The following ZBTB21 variants were observed in gnomAD, a reference collection of about 807,000 sequenced individuals.
ZBTB21 encodes zinc finger and BTB domain containing 21.
ZBTB21 carries 10 observed loss-of-function variants against 39.8 expected under a neutral mutation model. That is an observed-to-expected ratio of 0.25 (90% CI 0.16 to 0.43). The LOEUF (loss-of-function observed/expected upper bound fraction) is 0.43, where lower values mean the gene tolerates loss of function less well. Ranked by LOEUF, ZBTB21 falls within the 20% of genes least tolerant of loss-of-function variation. The pLI is 1.00. For synonymous variants in ZBTB21, 551 were observed against 498.8 expected (o/e 1.10, Z -1.40); for missense variants, 1,221 against 1,296.3 (o/e 0.94, Z 0.89).
chr21:41,998,493 T>C (rs369787423), intron 2 of ZBTB21, among the ~76,000 whole-genome samples: 11 of 152,300 alleles, frequency 7.2e-5, no homozygotes, highest in African/African-American at 2.6e-4. Context: ...AGCTGGCTCA[T>C]CCCTTTCATT....
rs1213261502 is a variant in ZBTB21 at position 41,990,924 on chromosome 21, G to A, written c.3172C>T (p.Leu1058Phe). The A allele has an allele frequency of 4.0e-6, 6 of 1,499,576 alleles. No individual in the cohort carries two copies. Among genetic ancestry groups the A allele is most frequent in the Non-Finnish European group, 5.3e-6 (6 of 1,126,544 alleles). 92.9% of individuals were successfully genotyped at this position (1,499,576 alleles called of 1,614,324 possible). A position where few individuals can be genotyped will look rare whatever the true frequency, so the allele number is the denominator to read the frequency against. The change falls in exon 3 of 3, where the codon CTT becomes TTT. Residue 1058 changes from leucine (L) to phenylalanine (F), a missense_variant. Around this residue, in one of 4 missense-constraint regions of ZBTB21, gnomAD observed 523 missense variants for 542.5 expected, o/e 0.96. Coordinates refer to ENST00000310826, the MANE Select transcript of ZBTB21 (RefSeq NM_001098402.2). ...CHRTFKTAFS[L>F]WSHEQTHN is the part of the protein sequence containing the mutation. ...TTGTGTGTTTGTTCGTGACTCCAAA[G>A]ACTAAATGCAGTCTTGAATGTCCTG...
At chr21:42,004,881 T>C (rs909977618) in intron 1 of ZBTB21, among the ~76,000 whole-genome samples, 4 of 152,236 alleles carry the variant, frequency 2.6e-5, no homozygotes, top group South Asian at 2.1e-4. Flanking sequence ...ACACCTACCA[T>C]TGGATTTTAC....
At position 41,990,775 on chromosome 21, in the gene ZBTB21, G is replaced by A; in HGVS notation, c.*120C>T. On this transcript the variant is annotated 3_prime_UTR_variant, in exon 3 of 3. Coordinates refer to ENST00000310826, the MANE Select transcript of ZBTB21 (RefSeq NM_001098402.2). ...CAATTTGCCTCCAACTTAATTTCAA[G>A]CGTAACAATCTCCAACCTTTATTAT... 1 of 1,007,354 alleles carries A rather than the reference G, an allele frequency of 9.9e-7. No individual in the cohort carries two copies. Among genetic ancestry groups the A allele is most frequent in the Non-Finnish European group, 1.3e-6 (1 of 741,798 alleles). The allele number at this position is 1,007,354 out of a possible 1,614,324, so 62.4% of individuals were successfully genotyped here.
rs1156779576 is a variant in ZBTB21 at position 41,992,056 on chromosome 21, G to C, written c.2040C>G (p.Arg680=). 4 of 1,614,226 alleles carry C rather than the reference G, an allele frequency of 2.5e-6. No homozygotes were observed. In the South Asian group the frequency reaches 4.4e-5, roughly 18 times the overall value. Residue 680 remains arginine, a synonymous_variant, in exon 3 of 3, where the codon CGC becomes CGG. Coordinates refer to ENST00000310826, the MANE Select transcript of ZBTB21 (RefSeq NM_001098402.2). The surrounding 1 kb of genome is among the most constrained non-coding windows in gnomAD (Gnocchi z 4.1). ...TATGCTGCTTAAATTGAGAGAGAAAGCGGTACGCTTTTCCGCAGTAAGTAC... is the reference window on the plus strand; with the variant it reads ...TATGCTGCTTAAATTGAGAGAGAAACCGGTACGCTTTTCCGCAGTAAGTAC... ...YICTYCGKAY[R]FLSQFKQHIK...
At position 41,992,730 on chromosome 21, in the gene ZBTB21, C is replaced by G. The variant is rs771751501; in HGVS notation, c.1366G>C (p.Ala456Pro). The G allele has an allele frequency of 6.2e-7, 1 of 1,614,208 alleles. No individual in the cohort carries two copies. The highest frequency in any genetic ancestry group is 1.1e-5 in the South Asian group (1 of 91,086). ...VTVGDAATTA[A>P]ASSSSVTRDL... ...CTTGTGACCGACGAAGATGAGGCAGCTGCTGTTGTTGCCGCATCTCCCACA... is the reference window on the plus strand; with the variant it reads ...CTTGTGACCGACGAAGATGAGGCAGGTGCTGTTGTTGCCGCATCTCCCACA... The change falls in exon 3 of 3, where the codon GCT becomes CCT. Residue 456 changes from alanine to proline, a missense_variant. Physicochemically the swap from Ala to Pro is conservative, Grantham distance 27. Around this residue, in one of 4 missense-constraint regions of ZBTB21, gnomAD observed 500 missense variants for 465.6 expected, o/e 1.07. Coordinates refer to ENST00000310826, the MANE Select transcript of ZBTB21 (RefSeq NM_001098402.2). The surrounding 1 kb of genome is among the most constrained non-coding windows in gnomAD (Gnocchi z 4.1).
intron 1 of ZBTB21, among the ~76,000 whole-genome samples, chr21:42,010,013 G>A (rs780516036): frequency 1.4e-4 from 22 of 152,266 alleles, no homozygotes; most frequent in Non-Finnish European, 2.5e-4. Context: ...AGTGCTGGCA[G>A]GGAGCGTGCG....
intron 2 of ZBTB21, among the ~76,000 whole-genome samples, chr21:41,996,208 G>A (rs1233552777): frequency 6.6e-6 from 1 of 152,216 alleles, no homozygotes; most frequent in Non-Finnish European, 1.5e-5. Context: ...TGGTAGATAC[G>A]TCGACAGCTG....
chr21:41,994,233 A>C, intron 2 of ZBTB21, 125 bp from the exon 3 acceptor site: 2 of 712,090 alleles, frequency 2.8e-6, no homozygotes, highest in South Asian at 2.5e-5. Flanking sequence ...AGGCTAACAG[A>C]AGCTCTATGA....
rs2065639404 is a variant in ZBTB21 at position 41,990,809 on chromosome 21, A to T, written c.*86T>A. The stretch of plus-strand genomic sequence containing the variant: ...TCTCCAACCTTTATTATTCTTGTTT[A>T]AAAAATATTTTGTTTCTTATGACAC... On this transcript the variant is annotated 3_prime_UTR_variant, in exon 3 of 3. Coordinates refer to ENST00000310826, the MANE Select transcript of ZBTB21 (RefSeq NM_001098402.2). The T allele has an allele frequency of 7.7e-7, 1 of 1,290,988 alleles. No homozygotes were observed. Among genetic ancestry groups the T allele is most frequent in the South Asian group, 2.4e-5 (1 of 41,644 alleles). 80.0% of individuals were successfully genotyped at this position (1,290,988 alleles called of 1,614,324 possible).
chr21:41,997,693 C>T (rs1194321149), intron 2 of ZBTB21, among the ~76,000 whole-genome samples: 3 of 152,130 alleles, frequency 2.0e-5, no homozygotes, highest in African/African-American at 7.2e-5. Flanking sequence ...TATTTTCTTA[C>T]CAAATCACAT....
At chr21:42,006,416 GA>G (rs1159360425) in intron 1 of ZBTB21, among the ~76,000 whole-genome samples, 2 of 146,788 alleles carry the variant, frequency 1.4e-5, no homozygotes, top group Non-Finnish European at 3.0e-5. Context: ...GAGCCAGAGC[GA>G]AACTCCGTCT....
In ZBTB21 at chr21:41,993,387, T is replaced by C; in HGVS notation, c.709A>G (p.Arg237Gly). Reference protein sequence around the residue: ...DDPNRISLVKRNAVLPSKPLQ... With the variant: ...DDPNRISLVKGNAVLPSKPLQ... ...GGCTTTGAAGGCAACACTGCATTTC[T>C]TTTCACCAAACTGATTCTATTAGGA... The change falls in exon 3 of 3, where the codon AGA becomes GGA. Residue 237 changes from arginine to glycine, a missense_variant. By Grantham distance (125) the Arg-to-Gly change is moderately radical (BLOSUM62 -2). Around this residue, in one of 4 missense-constraint regions of ZBTB21, gnomAD observed 500 missense variants for 465.6 expected, o/e 1.07. Transcript: ENST00000310826. 1 of 1,614,208 alleles carries C rather than the reference T, an allele frequency of 6.2e-7. No individual in the cohort carries two copies. Among genetic ancestry groups the C allele is most frequent in the Non-Finnish European group, 8.5e-7 (1 of 1,180,042 alleles).
Position 41,992,869 on chromosome 21 carries a change from G to C in ZBTB21, c.1227C>G (p.Ser409=). 1 of 1,614,202 alleles carries C rather than the reference G, an allele frequency of 6.2e-7. No homozygotes were observed. The highest frequency in any genetic ancestry group is 8.5e-7 in the Non-Finnish European group (1 of 1,180,040). The change falls in exon 3 of 3, where the codon TCC becomes TCG. Residue 409 remains serine (S), a synonymous_variant. Transcript: ENST00000310826. The surrounding 1 kb of genome is among the most constrained non-coding windows in gnomAD (Gnocchi z 4.1). The part of the protein sequence containing the change: ...PQVLQPHRLR[S]FSASQSTDRE... ...TGTCTGTTGACTGAGAAGCACTAAA[G>C]GACCTGAGGCGATGCGGTTGTAGCA...
intron 2 of ZBTB21, among the ~76,000 whole-genome samples, chr21:41,998,308 C>T (rs2065776150): frequency 6.6e-6 from 1 of 151,892 alleles, no homozygotes; most frequent in Non-Finnish European, 1.5e-5. Context: ...TCTCCTGCCT[C>T]AGCCTCCTGA....
intron 1 of ZBTB21, among the ~76,000 whole-genome samples, chr21:42,008,450 G>A (rs1187807647): frequency 1.3e-5 from 2 of 148,554 alleles, no homozygotes; most frequent in Non-Finnish European, 3.0e-5. Context: ...CCAGGGAGGC[G>A]GAGGTTGCAA....
intron 2 of ZBTB21, among the ~76,000 whole-genome samples, chr21:41,997,585 A>C (rs147979426): frequency 8.9e-5 from 12 of 134,556 alleles, no homozygotes; most frequent in African/African-American, 2.2e-4. Context: ...CAAAAAAAAA[A>C]AAAACAAAAA....
intron 1 of ZBTB21, among the ~76,000 whole-genome samples, chr21:42,008,512 GC>G (rs1401949074): frequency 2.3e-5 from 3 of 128,264 alleles, no homozygotes; most frequent in Non-Finnish European, 4.6e-5. Context: ...TTGTACTCCA[GC>G]CTGGGGCAAC....
rs1569096533 is a variant in ZBTB21 at position 41,987,841 on chromosome 21, C to T, written c.*3054G>A. 1 of 152,196 alleles carries T rather than the reference C, an allele frequency of 6.6e-6. No individual in the cohort carries two copies. Among genetic ancestry groups the T allele is most frequent in the South Asian group, 2.1e-4 (1 of 4,826 alleles). The allele number at this position is 152,196 out of a possible 1,614,324, so 9.4% of individuals were successfully genotyped here. A position where few individuals can be genotyped will look rare whatever the true frequency, so the allele number is the denominator to read the frequency against. ...TGTAGGTGCATCCACACCGCACCTC[C>T]GTGAACAGACACATTTTATTCCTGT... On this transcript the variant is annotated 3_prime_UTR_variant, in exon 3 of 3. Transcript: ENST00000310826.
In ZBTB21 at chr21:41,993,351, T is replaced by C; in HGVS notation, c.745A>G (p.Arg249Gly). The change falls in exon 3 of 3, where the codon AGA becomes GGA. Residue 249 changes from arginine to glycine, a missense_variant. Arg to Gly is a moderately radical substitution (Grantham distance 125, BLOSUM62 -2). Coordinates refer to ENST00000310826, the MANE Select transcript of ZBTB21 (RefSeq NM_001098402.2). ...AVLPSKPLQDREAMDDKPGVS... is the reference protein window; with the variant it reads ...AVLPSKPLQDGEAMDDKPGVS... ...CCTGGTTTATCATCCATAGCTTCTC[T>C]GTCTTGCAGAGGCTTTGAAGGCAAC... 6.2e-7 allele frequency: 1 copy of C among 1,613,818 alleles called. No individual in the cohort carries two copies. The highest frequency in any genetic ancestry group is 8.5e-7 in the Non-Finnish European group (1 of 1,179,936).
Sources: allele counts gnomAD v4.1 joint callset (sites outside exome capture counted in the v4.1 genomes callset), GRCh38; gene constraint gnomAD v4.1.1; regional missense constraint gnomAD v4.1.1; non-coding constraint Gnocchi (gnomAD v3.1); transcripts MANE v1.5; gene names NCBI Gene and HGNC (gene_info 2026-07-23, HGNC 2026-07-21).